SLC27A1: variants seen among roughly 807,000 people sequenced by gnomAD.
SLC27A1 encodes the protein solute carrier family 27 member 1, also known as long-chain fatty acid transport protein 1.
SLC27A1 carries 61 observed loss-of-function variants against 62.2 expected under a neutral mutation model. The ratio of observed to expected loss-of-function variants is 0.98; its 90% CI spans 0.80 to 1.21. The LOEUF (loss-of-function observed/expected upper bound fraction) is 1.21, where lower values mean the gene tolerates loss of function less well. Ranked by LOEUF, SLC27A1 falls within the 50% of genes most tolerant of loss-of-function variation. SLC27A1 has a pLI of 0.00. For synonymous variants in SLC27A1, 435 were observed against 408.6 expected (o/e 1.06, Z -0.78); for missense variants, 903 against 932.1 (o/e 0.97, Z 0.41).
In SLC27A1 at chr19:17,505,234, G is replaced by A. The variant is rs539000978; in HGVS notation, c.*622G>A. 4.5e-5 allele frequency: 12 copies of A among 267,380 alleles called. No homozygotes were observed. The highest frequency in any genetic ancestry group is 1.0e-4 in the Admixed American group (2 of 19,832). 16.6% of individuals were successfully genotyped at this position (267,380 alleles called of 1,614,324 possible). A position where few individuals can be genotyped will look rare whatever the true frequency, so the allele number is the denominator to read the frequency against. The stretch of plus-strand genomic sequence containing the variant: ...CTCTCCTGCCGAGAGTGGAACACGC[G>A]TGTCCTGGGAGCTGCATCTTGTGTA... On this transcript the variant is annotated 3_prime_UTR_variant, in exon 12 of 12. Transcript: ENST00000252595.
chr19:17,478,965 G>A (rs1027295109), intron 1 of SLC27A1, among the ~76,000 whole-genome samples: 1 of 151,900 alleles, frequency 6.6e-6, no homozygotes, highest in Non-Finnish European at 1.5e-5. Flanking sequence ...ATGTGTTTGA[G>A]TATGGCGGTG....
rs376110375 is a variant in SLC27A1, at chr19:17,477,919, GC to G, written c.167+7215del. On this transcript the variant is annotated intron_variant, in intron 1 of 11. Coordinates refer to ENST00000252595, the MANE Select transcript of SLC27A1 (RefSeq NM_198580.3). ...CATAGAGATGAGGTCTCACTATATT[GC>G]CCAGGCTGGCCTCGAACTCCTGGCC... Among the ~76,000 whole-genome samples the G allele has an allele frequency of 7.5e-3, 1,144 of 151,906 alleles. 12 individuals carry two copies. The highest frequency in any genetic ancestry group is 0.026 in the African/African-American group (1,090 of 41,410).
chr19:17,488,444 C>T (rs2075259764), intron 4 of SLC27A1, among the ~76,000 whole-genome samples: 1 of 152,198 alleles, frequency 6.6e-6, no homozygotes, highest in Non-Finnish European at 1.5e-5. Flanking sequence ...CTCCCCTTCA[C>T]CCCGTACTCA....
chr19:17,503,703 G>A (rs1475023902), intron 11 of SLC27A1: 3 of 151,820 alleles, frequency 2.0e-5, no homozygotes, highest in African/African-American at 4.8e-5. Flanking sequence ...AGGCCGAGGC[G>A]GGCAGATCAC....
At chr19:17,479,578 A>G (rs1381156651) in intron 1 of SLC27A1, among the ~76,000 whole-genome samples, 1 of 152,170 alleles carries the variant, frequency 6.6e-6, no homozygotes, top group Non-Finnish European at 1.5e-5. Context: ...CGAATTTAAT[A>G]TGCCAAACTT....
intron 1 of SLC27A1, among the ~76,000 whole-genome samples, chr19:17,473,636 TG>T (rs1477025631): frequency 6.6e-6 from 1 of 152,030 alleles, no homozygotes; most frequent in African/African-American, 2.4e-5. Flanking sequence ...CCGAAGCGGG[TG>T]GATCACCTGA....
chr19:17,491,652 G>A (rs539265484), intron 6 of SLC27A1, among the ~76,000 whole-genome samples: 31 of 152,044 alleles, frequency 2.0e-4, no homozygotes, highest in Non-Finnish European at 3.8e-4. Context: ...CGGGAGGATC[G>A]CTTGAGCCCA....
intron 1 of SLC27A1, among the ~76,000 whole-genome samples, chr19:17,479,778 G>A (rs1421551294): frequency 6.6e-6 from 1 of 151,856 alleles, no homozygotes. Context: ...TGAGTAGCCG[G>A]GATTACAGGG....
chr19:17,487,074 G>C (rs2075241104), intron 2 of SLC27A1, 100 bp from the exon 3 acceptor site: 2 of 1,580,534 alleles, frequency 1.3e-6, no homozygotes, highest in Non-Finnish European at 8.6e-7. Flanking sequence ...GGCATGAGGT[G>C]CACGGTCTGG....
Position 17,497,422 on chromosome 19 carries a change from C to A in SLC27A1, c.1164C>A (p.Gly388=). 1.2e-6 allele frequency: 2 copies of A among 1,605,482 alleles called. No individual in the cohort carries two copies. The highest frequency in any genetic ancestry group is 1.1e-5 in the South Asian group (1 of 89,944). Residue 388 remains glycine, a synonymous_variant, in exon 7 of 12, where the codon GGC becomes GGA. Coordinates refer to ENST00000252595, the MANE Select transcript of SLC27A1 (RefSeq NM_198580.3). Reference sequence around the variant, plus strand: ...TACGCCAAATCGGGGAGTTCTACGGCGCCACCGAGTGCAACTGCAGCATTG... The same window carrying A: ...TACGCCAAATCGGGGAGTTCTACGGAGCCACCGAGTGCAACTGCAGCATTG... ...FGVRQIGEFY[G]ATECNCSIAN...
intron 1 of SLC27A1, among the ~76,000 whole-genome samples, chr19:17,480,349 A>T (rs932970496): frequency 1.3e-5 from 2 of 150,518 alleles, no homozygotes; most frequent in Non-Finnish European, 3.0e-5. Context: ...AATTTTTGAG[A>T]CATATATTTC....
chr19:17,471,555 C>G (rs57900449), intron 1 of SLC27A1, among the ~76,000 whole-genome samples: 1 of 151,684 alleles, frequency 6.6e-6, no homozygotes, highest in African/African-American at 2.4e-5. Flanking sequence ...TTGCTGGGGG[C>G]TTCTATCAGA....
rs200280102 is a variant in SLC27A1, at chr19:17,476,120, G to A, written c.167+5413G>A. ...CCTACTGGCAGGGGCTGTTTCCTGT[G>A]GTTACTCCCTCAATAACAGCCCTCT... On this transcript the variant is annotated intron_variant, in intron 1 of 11. Coordinates refer to ENST00000252595, the MANE Select transcript of SLC27A1 (RefSeq NM_198580.3). 1.2e-4 allele frequency among the ~76,000 whole-genome samples: 18 copies of A among 152,152 alleles called. No individual in the cohort carries two copies. The East Asian group carries it at 3.5e-3, about 29-fold the overall frequency.
intron 1 of SLC27A1, chr19:17,483,887 G>C (rs1293240551): frequency 6.5e-6 from 1 of 152,978 alleles, no homozygotes; most frequent in African/African-American, 2.4e-5. Context: ...ACCAGGTCCT[G>C]CTCAGATGCC....
intron 1 of SLC27A1, among the ~76,000 whole-genome samples, chr19:17,474,367 C>T (rs760011080): frequency 1.3e-5 from 2 of 152,290 alleles, no homozygotes; most frequent in East Asian, 1.9e-4. Context: ...TGGCGCACAG[C>T]GGTAGCGCAG....
chr19:17,501,543 C>T, intron 11 of SLC27A1, 124 bp downstream of exon 11: 6 of 1,341,970 alleles, frequency 4.5e-6, no homozygotes, highest in Non-Finnish European at 6.1e-6. Context: ...GTGGCTCACG[C>T]CTGTAATCCC....
intron 1 of SLC27A1, among the ~76,000 whole-genome samples, chr19:17,471,054 G>A (rs1240869151): frequency 6.6e-6 from 1 of 151,310 alleles, no homozygotes; most frequent in Non-Finnish European, 1.5e-5. Context: ...CAGGGAGCTG[G>A]GGCTGACTGG....
chr19:17,490,509 C>T, intron 6 of SLC27A1, among the ~76,000 whole-genome samples: 1 of 151,916 alleles, frequency 6.6e-6, no homozygotes, highest in East Asian at 1.9e-4. Flanking sequence ...TAAAAGTGGA[C>T]AGAAAAGTAT....
intron 7 of SLC27A1, chr19:17,499,198 C>T: frequency 5.0e-6 from 1 of 198,758 alleles, no homozygotes; most frequent in Non-Finnish European, 1.0e-5. Flanking sequence ...GACTAGACTT[C>T]CCAGACGCTG....
Sources: allele counts gnomAD v4.1 joint callset (sites outside exome capture counted in the v4.1 genomes callset), GRCh38; gene constraint gnomAD v4.1.1; transcripts MANE v1.5; gene names NCBI Gene and HGNC (gene_info 2026-07-23, HGNC 2026-07-21).